Variants in RAB19 observed in about 807,000 individuals in gnomAD.
The protein encoded by RAB19 is ras-related protein Rab-19.
Under a neutral mutation model 17.3 loss-of-function variants are expected in RAB19, and 21 were observed. The ratio of observed to expected loss-of-function variants is 1.21; its 90% confidence interval spans 0.86 to 1.74. The LOEUF is 1.74. Ranked by LOEUF, RAB19 falls within the 40% of genes most tolerant of loss-of-function variation. RAB19 has a pLI of 0.00. For missense variants in RAB19, 277 were observed against 286.8 expected, an observed-to-expected ratio of 0.97 and a Z score of 0.25; for synonymous variants, 126 against 110.4, an observed-to-expected ratio of 1.14 and a Z score of -0.88.
At chr7:140,409,452 T>C (rs568593912) in intron 2 of RAB19, among the ~76,000 whole-genome samples, 30 of 149,216 alleles carry the variant, frequency 2.0e-4, no homozygotes, top group Admixed American at 4.7e-4. Context: ...CCCAGCACTT[T>C]TGGAGGCCGA....
In RAB19 at chr7:140,423,172, G is replaced by T. The variant is rs377215422; in HGVS notation, c.386-2710G>T. The stretch of plus-strand genomic sequence containing the variant: ...TATTGGTCCTTGGCTGGGCGTGGTG[G>T]CTCACGCCTGTAATCCCAACATTTT... On this transcript the variant is annotated intron_variant, in intron 3 of 3. Transcript: ENST00000537763. 3.7e-4 allele frequency among the ~76,000 whole-genome samples: 57 copies of T among 152,176 alleles called. No individual in the cohort carries two copies. In the South Asian group the frequency reaches 0.011, roughly 30 times the overall value.
intron 3 of RAB19, among the ~76,000 whole-genome samples, chr7:140,423,309 A>T (rs1799594527): frequency 6.6e-6 from 1 of 151,366 alleles, no homozygotes; most frequent in Non-Finnish European, 1.5e-5. Flanking sequence ...GCATGGTGGC[A>T]TGCGCCTGGA....
rs1402067790 is a variant in RAB19, at chr7:140,424,659, G to GTA, written c.386-1222_386-1221insAT. Reference sequence around the variant, plus strand: ...TATATATGTGTGTGTGTATATATGTGTGTGTATATATATATATATATATAC... The same window carrying GTA: ...TATATATGTGTGTGTGTATATATGTGTATGTGTATATATATATATATATATAC... On this transcript the variant is annotated intron_variant, in intron 3 of 3. Coordinates refer to ENST00000537763, the MANE Select transcript of RAB19 (RefSeq NM_001008749.3). Among the ~76,000 whole-genome samples, 7 of 109,554 alleles carry GTA rather than the reference G, an allele frequency of 6.4e-5. 1 individual carries two copies. Among genetic ancestry groups the GTA allele is most frequent in the African/African-American group, 2.3e-4 (5 of 21,356 alleles). 71.9% of individuals were successfully genotyped at this position (109,554 alleles called of 152,430 possible).
chr7:140,425,035 C>T (rs1799638707), intron 3 of RAB19, among the ~76,000 whole-genome samples: 1 of 152,068 alleles, frequency 6.6e-6, no homozygotes, highest in Admixed American at 6.6e-5. Context: ...CTTACAATCC[C>T]AGCACTTTGG....
At chr7:140,408,044 A>ATTTT (rs35586721) in intron 2 of RAB19, among the ~76,000 whole-genome samples, 197 bp downstream of exon 2, 23 of 142,330 alleles carry the variant, frequency 1.6e-4, no homozygotes, top group Admixed American at 9.9e-4. Context: ...CGCCCGGCAA[A>ATTTT]TTTTTTTTTT....
intron 3 of RAB19, among the ~76,000 whole-genome samples, chr7:140,418,848 A>G (rs9655695): frequency 0.44 from 63,479 of 143,060 alleles, 13,912 homozygotes; most frequent in Admixed American, 0.56. Context: ...GACACAGTGA[A>G]ACCCTGTCTC....
intron 1 of RAB19, among the ~76,000 whole-genome samples, chr7:140,407,139 C>T (rs1295818870): frequency 1.3e-5 from 2 of 152,154 alleles, no homozygotes; most frequent in South Asian, 2.1e-4. Flanking sequence ...CCCACCTTGG[C>T]CTTCCGAAGA....
intron 1 of RAB19, 35 bp downstream of exon 1, chr7:140,404,252 C>A (rs1585408276): frequency 6.6e-6 from 1 of 152,376 alleles, no homozygotes; most frequent in Non-Finnish European, 1.5e-5. Context: ...GCGAAGGCTG[C>A]GGGATGCCGG....
At chr7:140,410,969 T>C (rs1342708557) in intron 2 of RAB19, 4 of 1,367,602 alleles carry the variant, frequency 2.9e-6, no homozygotes, top group Non-Finnish European at 3.9e-6. Context: ...TCCTTTAAAA[T>C]CAGAACAGTT....
Position 140,427,253 on chromosome 7 carries a change from C to A in RAB19, c.*1103C>A, listed in dbSNP as rs1306079444. Among the ~76,000 whole-genome samples, 1 of 149,304 alleles carries A rather than the reference C, an allele frequency of 6.7e-6. No homozygotes were observed. Among genetic ancestry groups the A allele is most frequent in the African/African-American group, 2.5e-5 (1 of 40,502 alleles). ...TCAACCTCCACCTCCTGGGTTCAAG[C>A]AATTCTCCTGCCTCAGCCTCCCAAG... On this transcript the variant is annotated 3_prime_UTR_variant, in exon 4 of 4. Transcript: ENST00000537763.
At chr7:140,419,221 C>T (rs1354242408) in intron 3 of RAB19, among the ~76,000 whole-genome samples, 1 of 151,970 alleles carries the variant, frequency 6.6e-6, no homozygotes. Flanking sequence ...AGGCATGTGC[C>T]ACCACGCCCA....
chr7:140,410,322 T>TTC (rs1406010841), intron 2 of RAB19, among the ~76,000 whole-genome samples: 1 of 123,044 alleles, frequency 8.1e-6, no homozygotes, highest in African/African-American at 3.0e-5. Context: ...TCTTTTTTTT[T>TTC]TTTTTTTTTT....
chr7:140,418,395 A>C (rs2948383), intron 3 of RAB19, among the ~76,000 whole-genome samples: 1 of 61,698 alleles, frequency 1.6e-5, no homozygotes, highest in Non-Finnish European at 3.0e-5. Flanking sequence ...CTGCTAAAAT[A>C]CAAAAAAAAA....
In RAB19 at chr7:140,426,255, G is replaced by C. The variant is rs1799671073; in HGVS notation, c.*105G>C. 4 of 1,336,818 alleles carry C rather than the reference G, an allele frequency of 3.0e-6. No homozygotes were observed. Among genetic ancestry groups the C allele is most frequent in the Non-Finnish European group, 4.0e-6 (4 of 989,532 alleles). 82.8% of individuals were successfully genotyped at this position (1,336,818 alleles called of 1,614,324 possible). A position where few individuals can be genotyped will look rare whatever the true frequency, so the allele number is the denominator to read the frequency against. On this transcript the variant is annotated 3_prime_UTR_variant, in exon 4 of 4. Transcript: ENST00000537763. The stretch of plus-strand genomic sequence containing the variant: ...CAGTGGCGCTTTAGACCCCAGCGTG[G>C]ACTTGCCGCTCACCCCTAATCCTCC...
At chr7:140,419,487 T>A (rs1799520796) in intron 3 of RAB19, among the ~76,000 whole-genome samples, 1 of 152,242 alleles carries the variant, frequency 6.6e-6, no homozygotes, top group Non-Finnish European at 1.5e-5. Flanking sequence ...TGTAATCTAT[T>A]CTTTTGTATA....
At chr7:140,410,321 T>TTTC (rs1361289868) in intron 2 of RAB19, among the ~76,000 whole-genome samples, 2 of 122,118 alleles carry the variant, frequency 1.6e-5, no homozygotes, top group South Asian at 3.2e-4. Context: ...TTCTTTTTTT[T>TTTC]TTTTTTTTTT....
chr7:140,415,637 T>C (rs1799442193), intron 3 of RAB19, among the ~76,000 whole-genome samples: 1 of 152,178 alleles, frequency 6.6e-6, no homozygotes, highest in Non-Finnish European at 1.5e-5. Context: ...GATGTGTAAA[T>C]AGTCATACAG....
chr7:140,421,523 C>T (rs892417566), intron 3 of RAB19, among the ~76,000 whole-genome samples: 2 of 152,132 alleles, frequency 1.3e-5, no homozygotes, highest in Non-Finnish European at 2.9e-5. Context: ...CTACGCCCAG[C>T]TAATTTTTAT....
chr7:140,408,103 G>A (rs1171666447), intron 2 of RAB19, among the ~76,000 whole-genome samples: 2 of 150,662 alleles, frequency 1.3e-5, no homozygotes, highest in African/African-American at 4.9e-5. Context: ...TACCAGGATG[G>A]TTTCTATCTC....
Sources: allele counts gnomAD v4.1 joint callset (sites outside exome capture counted in the v4.1 genomes callset), GRCh38; gene constraint gnomAD v4.1.1; transcripts MANE v1.5; gene names NCBI Gene and HGNC (gene_info 2026-07-23, HGNC 2026-07-21).